The following TDRD1 variants were observed in gnomAD, a reference collection of about 807,000 sequenced individuals.
TDRD1 encodes the protein tudor domain containing 1.
In TDRD1, 37 loss-of-function variants were observed where a neutral mutation model predicts 140.6. That is an observed-to-expected ratio of 0.26 (90% CI 0.20 to 0.35). The LOEUF (loss-of-function observed/expected upper bound fraction) is 0.35, where lower values mean the gene tolerates loss of function less well. Among genes scored for constraint, TDRD1 ranks in the 10% least tolerant of loss-of-function variants. The pLI, the probability that TDRD1 is intolerant of heterozygous loss-of-function variation, is 1.00. For missense variants in TDRD1, 1,243 were observed against 1,393.0 expected (o/e 0.89, Z 1.71); for synonymous variants, 506 against 475.7 (o/e 1.06, Z -0.83).
exon 23 of TDRD1, chr10:114,227,276 A>G (rs2036490833): frequency 6.2e-7 from 1 of 1,613,246 alleles, no homozygotes; most frequent in East Asian, 2.2e-5. Flanking sequence ...ATCACACCTC[A>G]AAGGCAGAGT....
rs1478151285 is a variant in TDRD1 at position 114,221,496 on chromosome 10, G to C, written c.2890+20G>C. ...TGCCAGGTAAGAAACCAAAATTTGAGACATATTTATGCTCATCTTTTAAAC... is the reference window on the plus strand; with the variant it reads ...TGCCAGGTAAGAAACCAAAATTTGACACATATTTATGCTCATCTTTTAAAC... On this transcript the variant is annotated intron_variant, in intron 20 of 25. Transcript: ENST00000251864. 3.7e-6 allele frequency: 6 copies of C among 1,608,712 alleles called. No homozygotes were observed. The highest frequency in any genetic ancestry group is 5.1e-6 in the Non-Finnish European group (6 of 1,177,508).
At chr10:114,213,680 T>C in intron 15 of TDRD1, 92 bp downstream of exon 15, 1 of 1,113,140 alleles carries the variant, frequency 9.0e-7, no homozygotes, top group East Asian at 2.4e-5. Context: ...AGAATTTATG[T>C]TGAATGCCTT....
In TDRD1 at chr10:114,217,733, C is replaced by G. The variant is rs554009328; in HGVS notation, c.2323+78C>G. The G allele has an allele frequency of 4.7e-5, 34 of 716,630 alleles. No individual in the cohort carries two copies. The African/African-American group carries it at 6.1e-4, about 13-fold the overall frequency. 44.4% of individuals were successfully genotyped at this position (716,630 alleles called of 1,614,324 possible). A position where few individuals can be genotyped will look rare whatever the true frequency, so the allele number is the denominator to read the frequency against. The stretch of plus-strand genomic sequence containing the variant: ...TAACCTTATTTTTAGTGCACATTTT[C>G]TTAATGCTTAAGCAAACATTTTTCA... On this transcript the variant is annotated intron_variant, in intron 17 of 25. Transcript: ENST00000251864.
Position 114,199,071 on chromosome 10 carries a change from A to G in TDRD1, c.385-102A>G, listed in dbSNP as rs2034557382. ...TTTACCTTAATAGGAGGAATAAGGA[A>G]AAGTACATCTACTTGATCTTATCTG... On this transcript the variant is annotated intron_variant, in intron 3 of 25. Transcript: ENST00000251864. 3 of 1,297,864 alleles carry G rather than the reference A, an allele frequency of 2.3e-6. No homozygotes were observed. In the Admixed American group the frequency reaches 7.1e-5, roughly 31 times the overall value. The allele number at this position is 1,297,864 out of a possible 1,614,324, so 80.4% of individuals were successfully genotyped here.
intron 6 of TDRD1, among the ~76,000 whole-genome samples, chr10:114,202,659 C>A (rs1281768697): frequency 6.6e-6 from 1 of 152,090 alleles, no homozygotes; most frequent in Non-Finnish European, 1.5e-5. Context: ...TATTTGTAAT[C>A]CGAAAAACAT....
intron 16 of TDRD1, among the ~76,000 whole-genome samples, chr10:114,217,221 C>T (rs1480261794): frequency 6.6e-6 from 1 of 152,158 alleles, no homozygotes; most frequent in Non-Finnish European, 1.5e-5. Context: ...TTCAGGACAG[C>T]TTTTATGTAG....
Position 114,190,968 on chromosome 10 carries a change from A to G in TDRD1, c.333A>G (p.Ser111=), listed in dbSNP as rs75742995. ...TGTGTTTTTCCTCCCCAGGAAACTC[A>G]GTGTCACCACCAAGTGCTGAAAGTA... is the stretch of plus-strand genomic sequence containing the variant. Residue 111 remains serine (S), a synonymous_variant, in exon 3 of 26, where the codon TCA becomes TCG. Transcript: ENST00000251864. 2.9e-3 allele frequency: 4,652 copies of G among 1,614,020 alleles called. 106 individuals are homozygous for G. In the African/African-American group the frequency reaches 0.056, roughly 20 times the overall value.
chr10:114,209,690 T>A (rs889719633), intron 11 of TDRD1, among the ~76,000 whole-genome samples: 1 of 152,186 alleles, frequency 6.6e-6, no homozygotes. Context: ...GATATGAAAT[T>A]CCCTCCACTT....
intron 16 of TDRD1, among the ~76,000 whole-genome samples, chr10:114,215,695 T>C (rs984318669): frequency 6.6e-6 from 1 of 152,224 alleles, no homozygotes; most frequent in African/African-American, 2.4e-5. Context: ...ATCTGGTTGG[T>C]AGGCCACCAT....
rs561124409 is a variant in TDRD1, at chr10:114,204,208, C to G, written c.1117C>G (p.Pro373Ala). The change falls in exon 9 of 26, where the codon CCT becomes GCT. Residue 373 changes from proline (P) to alanine (A), a missense_variant. Pro to Ala is a conservative substitution (Grantham distance 27). Transcript: ENST00000251864. ...CCTCAACAGGAACATTGACTTGTTT[C>G]CTCCTTGTGTGAGTCTCTTTTACTT... 8 of 1,585,020 alleles carry G rather than the reference C, an allele frequency of 5.0e-6. No homozygotes were observed. In the African/African-American group the frequency reaches 9.6e-5, roughly 19 times the overall value.
At chr10:114,181,798 A>G (rs2033089152) in intron 1 of TDRD1, among the ~76,000 whole-genome samples, 1 of 151,294 alleles carries the variant, frequency 6.6e-6, no homozygotes, top group African/African-American at 2.4e-5. Flanking sequence ...TGAGCCGGAG[A>G]TCATGCCGCT....
intron 12 of TDRD1, 44 bp downstream of exon 12, chr10:114,210,792 CAA>C (rs766186504): frequency 1.2e-6 from 2 of 1,611,568 alleles, no homozygotes; most frequent in Middle Eastern, 1.7e-4. Flanking sequence ...TAAAATACTT[CAA>C]GAGACTTGAC....
chr10:114,217,465 G>T, intron 16 of TDRD1, 80 bp from the exon 17 acceptor site: 1 of 723,964 alleles, frequency 1.4e-6, no homozygotes, highest in Non-Finnish European at 2.3e-6. Flanking sequence ...TAAAAATCAC[G>T]TTTTCTGACT....
chr10:114,212,030 C>A, exon 14 of TDRD1: 2 of 1,598,032 alleles, frequency 1.3e-6, no homozygotes, highest in South Asian at 1.2e-5. Context: ...AAAGTGTGTA[C>A]TAGCAGGTAT....
chr10:114,208,773 T>G (rs1418272142), intron 11 of TDRD1, among the ~76,000 whole-genome samples: 1 of 148,056 alleles, frequency 6.8e-6, no homozygotes, highest in Non-Finnish European at 1.5e-5. Flanking sequence ...ATGTTTAAGA[T>G]ACAATTTTTT....
chr10:114,230,398 G>C lies in TDRD1; in HGVS notation c.3539-1088G>C, dbSNP rs77775515. ...GAATACAGTGCAATACCTTGTGTTT[G>C]GGTAGTACGTATTTACAAAGCATTT... On this transcript the variant is annotated intron_variant, in intron 25 of 25. Transcript: ENST00000251864. Among the ~76,000 whole-genome samples, 801 of 152,276 alleles carry C rather than the reference G, an allele frequency of 5.3e-3. 8 individuals carry two copies. Among genetic ancestry groups the C allele is most frequent in the African/African-American group, 0.018 (749 of 41,546 alleles).
At chr10:114,208,881 C>T (rs567022894) in intron 11 of TDRD1, among the ~76,000 whole-genome samples, 1 of 151,538 alleles carries the variant, frequency 6.6e-6, no homozygotes, top group African/African-American at 2.4e-5. Context: ...TCAAGTGATT[C>T]TCCTGCTTCA....
upstream of TDRD1, chr10:114,179,244 C>CGTGGGAACACGTGGGCACATTGA (rs1564926483): frequency 6.6e-6 from 1 of 152,344 alleles, no homozygotes; most frequent in East Asian, 1.9e-4. Flanking sequence ...TTGAGTTGCA[C>CGTGGGAACACGTGGGCACATTGA]GTGGACGCGG....
In TDRD1 at chr10:114,210,979, G is replaced by T. The variant is rs772632745; in HGVS notation, c.1660+12G>T. 2 of 1,563,352 alleles carry T rather than the reference G, an allele frequency of 1.3e-6. No individual in the cohort carries two copies. Among genetic ancestry groups the T allele is most frequent in the Non-Finnish European group, 1.7e-6 (2 of 1,154,008 alleles). ...TGCTCAGTTCTCAGGTAAGGACAGAGTATTACTGATTTTTAAAATTTATTT... is the reference window on the plus strand; with the variant it reads ...TGCTCAGTTCTCAGGTAAGGACAGATTATTACTGATTTTTAAAATTTATTT... On this transcript the variant is annotated intron_variant, in intron 13 of 25. Transcript: ENST00000251864.
Sources: allele counts gnomAD v4.1 joint callset (sites outside exome capture counted in the v4.1 genomes callset), GRCh38; gene constraint gnomAD v4.1.1; transcripts MANE v1.5; gene names NCBI Gene and HGNC (gene_info 2026-07-23, HGNC 2026-07-21).